Variants in OCA2 observed in about 807,000 individuals in gnomAD.
OCA2 encodes the protein P protein.
Under a neutral mutation model 100.2 loss-of-function variants are expected in OCA2, and 77 were observed. The observed-to-expected ratio is 0.77, with a 90% CI of 0.64 to 0.93. OCA2 has a LOEUF of 0.93. Among genes scored for constraint, OCA2 ranks in the 40% least tolerant of loss-of-function variants. OCA2 has a pLI of 0.00. For synonymous variants in OCA2, 432 were observed against 439.2 expected (o/e 0.98, Z 0.21); for missense variants, 1,062 against 1,089.1 (o/e 0.98, Z 0.35).
Position 27,983,390 on chromosome 15 carries a change from GT to G in OCA2, c.1457del (p.Asp486AlafsTer13). The G allele has an allele frequency of 6.2e-7, 1 of 1,614,190 alleles. No individual in the cohort carries two copies. Among genetic ancestry groups the G allele is most frequent in the Non-Finnish European group, 8.5e-7 (1 of 1,180,032 alleles). On this transcript the variant is annotated frameshift_variant, in exon 14 of 24. Coordinates refer to ENST00000354638, the MANE Select transcript of OCA2 (RefSeq NM_000275.3). LOFTEE classifies it high-confidence loss of function. ...TGGAAACAATAATGACATTTGGAGG[GT>G]CCCCGATGGCAGTGGCAGCTCCTCC... ...NIGGAATAIGDPPNVIIVSNQ... is the reference protein window; with the variant it reads ...NIGGAATAIGXPPNVIIVSNQ...
At chr15:27,861,008 G>A (rs1328881269) in intron 21 of OCA2, among the ~76,000 whole-genome samples, 1 of 152,198 alleles carries the variant, frequency 6.6e-6, no homozygotes, top group African/African-American at 2.4e-5. Context: ...TCAGGAGCAG[G>A]GCAAGAGTGG....
chr15:27,892,853 C>T (rs976231338), intron 19 of OCA2, among the ~76,000 whole-genome samples: 1 of 152,022 alleles, frequency 6.6e-6, no homozygotes, highest in African/African-American at 2.4e-5. Flanking sequence ...ACACAAATCA[C>T]CAATATCAGG....
At chr15:28,007,991 G>A (rs1436879910) in intron 9 of OCA2, among the ~76,000 whole-genome samples, 1 of 152,198 alleles carries the variant, frequency 6.6e-6, no homozygotes, top group African/African-American at 2.4e-5. Flanking sequence ...ACCAGACCCA[G>A]AGGACCTTAG....
intron 22 of OCA2, among the ~76,000 whole-genome samples, chr15:27,845,604 G>A (rs991512110): frequency 5.3e-5 from 8 of 152,056 alleles, no homozygotes; most frequent in African/African-American, 1.2e-4. Flanking sequence ...TGCCATCCTC[G>A]CAGCCTGGTG....
intron 23 of OCA2, among the ~76,000 whole-genome samples, chr15:27,770,018 C>T (rs1253764721): frequency 6.6e-6 from 1 of 152,238 alleles, no homozygotes; most frequent in Admixed American, 6.5e-5. Flanking sequence ...TAGCTAACTC[C>T]TTTTATGAGG....
intron 22 of OCA2, among the ~76,000 whole-genome samples, chr15:27,845,655 A>AC (rs1218610869): frequency 6.0e-5 from 9 of 150,994 alleles, no homozygotes; most frequent in East Asian, 5.9e-4. Context: ...ATGAGATCCA[A>AC]CCCCCCACAC....
At chr15:27,924,307 A>G (rs2038969001) in intron 19 of OCA2, among the ~76,000 whole-genome samples, 1 of 152,230 alleles carries the variant, frequency 6.6e-6, no homozygotes, top group African/African-American at 2.4e-5. Flanking sequence ...AATCTCCAAA[A>G]AAAATTCCCA....
At chr15:27,827,153 G>A (rs1198138892) in intron 23 of OCA2, among the ~76,000 whole-genome samples, 1 of 152,166 alleles carries the variant, frequency 6.6e-6, no homozygotes, top group Admixed American at 6.5e-5. Flanking sequence ...CATTCTCCAC[G>A]GATATGAAAC....
At chr15:27,896,378 C>G (rs936974696) in intron 19 of OCA2, 1 of 747,236 alleles carries the variant, frequency 1.3e-6, no homozygotes, top group South Asian at 1.4e-5. Flanking sequence ...ACAGGAAGAA[C>G]AGTGTAACTC....
intron 22 of OCA2, 61 bp from the exon 23 acceptor site, chr15:27,845,113 T>G: frequency 7.9e-7 from 1 of 1,265,704 alleles, no homozygotes; most frequent in Middle Eastern, 1.9e-4. Context: ...TCTGTTCTCT[T>G]TGGTTTGTAA....
intron 23 of OCA2, among the ~76,000 whole-genome samples, chr15:27,770,358 C>G (rs529412097): frequency 2.0e-5 from 3 of 152,190 alleles, no homozygotes; most frequent in Non-Finnish European, 1.5e-5. Context: ...GCTTTCAGTG[C>G]GCCCGGTTTC....
chr15:28,088,811 A>C (rs1051928235), intron 1 of OCA2, among the ~76,000 whole-genome samples: 3 of 152,222 alleles, frequency 2.0e-5, no homozygotes, highest in African/African-American at 7.2e-5. Flanking sequence ...GACCAGGGCA[A>C]AATTAAAATT....
At chr15:27,812,007 A>C (rs2034099012) in intron 23 of OCA2, among the ~76,000 whole-genome samples, 1 of 152,238 alleles carries the variant, frequency 6.6e-6, no homozygotes, top group Non-Finnish European at 1.5e-5. Flanking sequence ...CACTTTTTAA[A>C]AAATGATCTT....
intron 2 of OCA2, among the ~76,000 whole-genome samples, chr15:28,046,282 A>G (rs1312869108): frequency 6.6e-6 from 1 of 152,220 alleles, no homozygotes; most frequent in African/African-American, 2.4e-5. Context: ...GAAAATTTGC[A>G]AAAGTGTAGG....
At chr15:28,034,330 G>A (rs1473662113) in intron 2 of OCA2, among the ~76,000 whole-genome samples, 1 of 152,106 alleles carries the variant, frequency 6.6e-6, no homozygotes, top group Non-Finnish European at 1.5e-5. Context: ...ATTAACTAAG[G>A]AGATGTAAAT....
intron 19 of OCA2, among the ~76,000 whole-genome samples, chr15:27,900,753 G>T (rs2037896746): frequency 6.6e-6 from 1 of 152,180 alleles, no homozygotes; most frequent in Non-Finnish European, 1.5e-5. Flanking sequence ...ATGCTGGCAA[G>T]AACTGGCCGG....
intron 6 of OCA2, among the ~76,000 whole-genome samples, chr15:28,018,777 C>A (rs1416186553): frequency 1.3e-5 from 2 of 152,196 alleles, no homozygotes; most frequent in Non-Finnish European, 2.9e-5. Flanking sequence ...TCGTGACCCT[C>A]TTGTGAGAGG....
chr15:28,032,010 G>T, intron 3 of OCA2, 55 bp downstream of exon 3: 1 of 1,324,754 alleles, frequency 7.5e-7, no homozygotes, highest in Non-Finnish European at 1.1e-6. Context: ...CAGCATACAT[G>T]CCAGGTGCAA....
At position 27,955,508 on chromosome 15, in the gene OCA2, G is replaced by A. The variant is rs9920172; in HGVS notation, c.1785-293C>T. On this transcript the variant is annotated intron_variant, in intron 16 of 23. Transcript: ENST00000354638. ...CTTCACGAAAACCCCGCAGCAGTGCGTGGAGGAGGGCAGCGACCGTCAGTC... is the reference window on the plus strand; with the variant it reads ...CTTCACGAAAACCCCGCAGCAGTGCATGGAGGAGGGCAGCGACCGTCAGTC... Among the ~76,000 whole-genome samples the A allele has an allele frequency of 0.5, 76,387 of 152,168 alleles. 23,774 individuals carry two copies. Among genetic ancestry groups the A allele is most frequent in the Non-Finnish European group, 0.72 (48,687 of 68,000 alleles).
Sources: gnomAD v4.1 joint callset for allele counts (sites outside exome capture counted in the v4.1 genomes callset) on GRCh38, gnomAD v4.1.1 for gene constraint, MANE v1.5 for transcripts, NCBI Gene and HGNC (gene_info 2026-07-23, HGNC 2026-07-21) for gene names.